The following EFHD1 variants were observed in gnomAD, a reference collection of about 807,000 sequenced individuals.
EFHD1 encodes the protein EF-hand domain-containing protein D1.
EFHD1 carries 10 observed loss-of-function variants against 17.2 expected under a neutral mutation model. The ratio of observed to expected loss-of-function variants is 0.58; its 90% confidence interval spans 0.36 to 0.99. EFHD1 has a LOEUF of 0.99. EFHD1 is among the 50% of genes least tolerant of loss of function. The pLI is 0.01. For synonymous variants in EFHD1, 153 were observed against 142.0 expected, an observed-to-expected ratio of 1.08 and a Z score of -0.55; for missense variants, 310 against 327.5, an observed-to-expected ratio of 0.95 and a Z score of 0.41.
At chr2:232,678,936 A>T (rs1203287556) in intron 3 of EFHD1, among the ~76,000 whole-genome samples, 1 of 152,226 alleles carries the variant, frequency 6.6e-6, no homozygotes, top group Non-Finnish European at 1.5e-5. Flanking sequence ...CCTACTTTAT[A>T]CTCTGCACTA....
intron 2 of EFHD1, among the ~76,000 whole-genome samples, chr2:232,665,746 A>G (rs1694957496): frequency 6.6e-6 from 1 of 152,208 alleles, no homozygotes; most frequent in Non-Finnish European, 1.5e-5. Context: ...TGATGATAAT[A>G]TCAGATTAAA....
intron 1 of EFHD1, among the ~76,000 whole-genome samples, chr2:232,634,329 A>G (rs1202495727): frequency 6.6e-6 from 1 of 152,164 alleles, no homozygotes; most frequent in Non-Finnish European, 1.5e-5. Context: ...TTTGCTCCGA[A>G]AGCAACTTCT....
At chr2:232,629,548 A>G (rs552268976), upstream of EFHD1, among the ~76,000 whole-genome samples, 5 of 152,036 alleles carry the variant, frequency 3.3e-5, no homozygotes, top group African/African-American at 1.2e-4. Flanking sequence ...GGCTCACTGC[A>G]ACCTCCGCCT....
At chr2:232,646,302 C>G (rs1408327407) in intron 1 of EFHD1, among the ~76,000 whole-genome samples, 4 of 152,108 alleles carry the variant, frequency 2.6e-5, no homozygotes, top group Non-Finnish European at 5.9e-5. Context: ...GTTCCCCCCA[C>G]CCAGGCCTTG....
At chr2:232,662,298 G>T (rs1194174726) in intron 1 of EFHD1, among the ~76,000 whole-genome samples, 1 of 147,068 alleles carries the variant, frequency 6.8e-6, no homozygotes, top group African/African-American at 2.4e-5. Flanking sequence ...TCCGCACACA[G>T]GGGTGGGAAG....
intron 1 of EFHD1, among the ~76,000 whole-genome samples, chr2:232,620,387 CAAAA>C (rs78046050): frequency 1.2e-5 from 1 of 81,870 alleles, no homozygotes. Flanking sequence ...GACTCCATCT[CAAAA>C]AAAAAAAAAA....
rs573313341 is a variant in EFHD1, at chr2:232,614,751, G to A, written c.14+8578G>A. On this transcript the variant is annotated intron_variant, in intron 1 of 3. Coordinates refer to the EFHD1 transcript ENST00000409613. ...AGCAATTTGGGTGGCTGAGCCAGGT[G>A]GATTATTTGAGCCCTGGAGTTCGAG... Among the ~76,000 whole-genome samples the A allele has an allele frequency of 2.3e-4, 35 of 152,256 alleles. No homozygotes were observed. In the South Asian group the frequency reaches 7.3e-3, roughly 32 times the overall value.
At chr2:232,672,143 T>C (rs1007932190) in intron 2 of EFHD1, among the ~76,000 whole-genome samples, 166 bp from the exon 3 acceptor site, 2 of 152,086 alleles carry the variant, frequency 1.3e-5, no homozygotes, top group African/African-American at 4.8e-5. Flanking sequence ...AAAATCGGCA[T>C]GTTTTCATTT....
chr2:232,616,930 G>T (rs1693937003), intron 1 of EFHD1, among the ~76,000 whole-genome samples: 1 of 152,214 alleles, frequency 6.6e-6, no homozygotes, highest in South Asian at 2.1e-4. Context: ...TTGGGCACAG[G>T]CAAGGTTGCC....
intron 1 of EFHD1, chr2:232,661,568 CT>C (rs35488799): frequency 0.21 from 24,699 of 116,952 alleles, 1,733 homozygotes; most frequent in East Asian, 0.49. Context: ...ACCACCACCC[CT>C]TTTTTTTTTT....
intron 1 of EFHD1, among the ~76,000 whole-genome samples, chr2:232,651,069 C>T (rs1694644871): frequency 6.6e-6 from 1 of 152,066 alleles, no homozygotes; most frequent in African/African-American, 2.4e-5. Flanking sequence ...GGGAGGGATC[C>T]AGGGTTAGGC....
intron 1 of EFHD1, among the ~76,000 whole-genome samples, chr2:232,617,376 C>T (rs975267375): frequency 2.0e-5 from 3 of 152,228 alleles, no homozygotes; most frequent in Admixed American, 6.5e-5. Context: ...GCTGGCCGGG[C>T]GCAGTGGCTC....
rs897353113 is a variant in EFHD1 at position 232,667,407 on chromosome 2, G to A, written c.450+4458G>A. Among the ~76,000 whole-genome samples, 104 of 152,252 alleles carry A rather than the reference G, an allele frequency of 6.8e-4. 1 individual carries two copies. Among genetic ancestry groups the A allele is most frequent in the Admixed American group, 7.9e-4 (12 of 15,278 alleles). On this transcript the variant is annotated intron_variant, in intron 2 of 3. Coordinates refer to ENST00000264059, the MANE Select transcript of EFHD1 (RefSeq NM_025202.4). The stretch of plus-strand genomic sequence containing the variant: ...TGCCCACTTTCTACCATGCGGACCG[G>A]CATGAGAGATGGAGGGGGAATCTTG...
At chr2:232,653,145 C>T (rs1694690203) in intron 1 of EFHD1, among the ~76,000 whole-genome samples, 1 of 152,090 alleles carries the variant, frequency 6.6e-6, no homozygotes, top group African/African-American at 2.4e-5. Context: ...AGCCACCCAC[C>T]ACCACGCCCG....
In EFHD1 at chr2:232,633,996, A is replaced by T; in HGVS notation, c.292A>T (p.Met98Leu). Residue 98 changes from methionine (M) to leucine (L), a missense_variant, in exon 1 of 4, where the codon ATG (methionine) becomes TTG (leucine). Physicochemically the swap from Met to Leu is conservative, Grantham distance 15. Coordinates refer to ENST00000264059, the MANE Select transcript of EFHD1 (RefSeq NM_025202.4). ...SRRLIKDLES[M>L]FKLYDAGRDG... ...CCGCCTCATCAAGGACCTGGAGAGC[A>T]TGTTCAAACTGTGAGCTCCCGCTGC... 1 of 1,597,106 alleles carries T rather than the reference A, an allele frequency of 6.3e-7. No individual in the cohort carries two copies. Among genetic ancestry groups the T allele is most frequent in the Non-Finnish European group, 8.5e-7 (1 of 1,179,028 alleles).
chr2:232,666,679 C>A (rs1694972136), intron 2 of EFHD1, among the ~76,000 whole-genome samples: 1 of 152,168 alleles, frequency 6.6e-6, no homozygotes, highest in Non-Finnish European at 1.5e-5. Flanking sequence ...TTGGTTTGCA[C>A]CCCCGTTCCA....
chr2:232,617,652 C>CAA (rs1192954692), intron 1 of EFHD1, among the ~76,000 whole-genome samples: 5,854 of 99,072 alleles, frequency 0.059, 190 homozygotes, highest in South Asian at 0.07. Flanking sequence ...GACTCCGTCT[C>CAA]AAAAAAAAAA....
chr2:232,627,060 A>ATTT (rs781150752), intron 1 of EFHD1, among the ~76,000 whole-genome samples: 1 of 117,742 alleles, frequency 8.5e-6, no homozygotes, highest in African/African-American at 3.3e-5. Context: ...ATATATATAT[A>ATTT]TATATTTTTT....
At chr2:232,629,727 C>G (rs1694169604), upstream of EFHD1, among the ~76,000 whole-genome samples, 1 of 151,908 alleles carries the variant, frequency 6.6e-6, no homozygotes, top group Non-Finnish European at 1.5e-5. Context: ...CCTCGGCCTC[C>G]CAAAGTGCTG....
Sources: allele counts gnomAD v4.1 joint callset (sites outside exome capture counted in the v4.1 genomes callset), GRCh38; gene constraint gnomAD v4.1.1; transcripts MANE v1.5; gene names NCBI Gene and HGNC (gene_info 2026-07-23, HGNC 2026-07-21).